The following HDGFL2 variants were observed in gnomAD, a reference collection of about 807,000 sequenced individuals.
HDGFL2 encodes the protein HDGF like 2.
A neutral mutation model predicts 77.1 loss-of-function variants in HDGFL2; 36 were observed. The observed-to-expected ratio is 0.47, with a 90% CI of 0.36 to 0.62. The LOEUF is 0.62. Among genes scored for constraint, HDGFL2 ranks in the 20% least tolerant of loss-of-function variants. HDGFL2 has a pLI of 0.00. For missense variants in HDGFL2, 976 were observed against 973.4 expected, an observed-to-expected ratio of 1.00 and a Z score of -0.04; for synonymous variants, 463 against 413.1, an observed-to-expected ratio of 1.12 and a Z score of -1.46.
At chr19:4,495,398 AAAAAAAAAAAAT>A (rs1975675680) in intron 9 of HDGFL2, among the ~76,000 whole-genome samples, 1 of 150,944 alleles carries the variant, frequency 6.6e-6, no homozygotes, top group African/African-American at 2.4e-5. Context: ...AAAAAAAAAA[AAAAAAAAAAAAT>A]AGGCTCCGAA....
At chr19:4,478,945 A>G (rs1339493828) in intron 3 of HDGFL2, among the ~76,000 whole-genome samples, 1 of 151,518 alleles carries the variant, frequency 6.6e-6, no homozygotes, top group Non-Finnish European at 1.5e-5. Flanking sequence ...AGCCTCCCAA[A>G]GTGCTGGGAT....
rs771164598 is a variant in HDGFL2 at position 4,498,063 on chromosome 19, T to C, written c.1402+32T>C. 1.9e-5 allele frequency: 29 copies of C among 1,525,294 alleles called. No individual in the cohort carries two copies. In the African/African-American group the frequency reaches 3.6e-4, roughly 19 times the overall value. The allele number at this position is 1,525,294 out of a possible 1,614,324, so 94.5% of individuals were successfully genotyped here. A position where few individuals can be genotyped will look rare whatever the true frequency, so the allele number is the denominator to read the frequency against. On this transcript the variant is annotated intron_variant, in intron 11 of 15. Coordinates refer to ENST00000616600, the MANE Select transcript of HDGFL2 (RefSeq NM_001001520.3). Reference sequence around the variant, plus strand: ...CCTGGCTGCCCAGCACTGCCCACACTGAGTTCACTGAGGGGAACGGGGACA... The same window carrying C: ...CCTGGCTGCCCAGCACTGCCCACACCGAGTTCACTGAGGGGAACGGGGACA...
chr19:4,474,174 G>A (rs1975012587), intron 1 of HDGFL2, among the ~76,000 whole-genome samples: 1 of 152,012 alleles, frequency 6.6e-6, no homozygotes, highest in African/African-American at 2.4e-5. Context: ...CAGGACTGAG[G>A]AATTTGGCAC....
In HDGFL2 at chr19:4,493,801, T is replaced by TTCCTCCTCC. The variant is rs772471793; in HGVS notation, c.784_792dup (p.Ser262_Ser264dup). ...CGCGGTCGGCGTCCTCCTCCTCCTC[T>TTCCTCCTCC]TCCTCCTCCTCCTCCGACTCCGATG... On this transcript the variant is annotated inframe_insertion, in exon 7 of 16. Coordinates refer to ENST00000616600, the MANE Select transcript of HDGFL2 (RefSeq NM_001001520.3). 2.6e-6 allele frequency: 4 copies of TTCCTCCTCC among 1,539,770 alleles called. No individual in the cohort carries two copies. Among genetic ancestry groups the TTCCTCCTCC allele is most frequent in the Non-Finnish European group, 2.6e-6 (3 of 1,139,142 alleles).
chr19:4,489,645 G>T (rs983419106), intron 4 of HDGFL2, among the ~76,000 whole-genome samples: 4 of 151,950 alleles, frequency 2.6e-5, no homozygotes, highest in Admixed American at 2.0e-4. Context: ...CTCATGATCC[G>T]CCCGCTTCGG....
intron 6 of HDGFL2, among the ~76,000 whole-genome samples, chr19:4,493,163 CTGTG>C (rs1375766149): frequency 2.8e-4 from 26 of 93,438 alleles, no homozygotes; most frequent in Non-Finnish European, 4.3e-4. Context: ...TGTGTGTTGT[CTGTG>C]TGTGGTGTGT....
intron 1 of HDGFL2, among the ~76,000 whole-genome samples, chr19:4,474,554 T>G (rs1210215573): frequency 6.6e-6 from 1 of 151,836 alleles, no homozygotes; most frequent in African/African-American, 2.4e-5. Context: ...AAGGAATGCA[T>G]TGGGAGGGGA....
In HDGFL2 at chr19:4,498,931, C is replaced by G; in HGVS notation, c.1575+16C>G. The G allele has an allele frequency of 1.3e-6, 2 of 1,558,682 alleles. No homozygotes were observed. Among genetic ancestry groups the G allele is most frequent in the Non-Finnish European group, 1.8e-6 (2 of 1,140,894 alleles). On this transcript the variant is annotated intron_variant, in intron 13 of 15. Transcript: ENST00000616600. ...CTTGAAGAAGGTATGGCGGGGGAAT[C>G]AGAGGCGCAGGGTGCAGTCGGGGGA...
chr19:4,486,807 G>C (rs1451043381), intron 3 of HDGFL2, among the ~76,000 whole-genome samples: 2 of 152,074 alleles, frequency 1.3e-5, no homozygotes, highest in Non-Finnish European at 2.9e-5. Flanking sequence ...GTATATGTCA[G>C]CTTCTTCTGG....
Position 4,488,838 on chromosome 19 carries a change from G to A in HDGFL2, c.451G>A (p.Asp151Asn), listed in dbSNP as rs866600441. Residue 151 changes from aspartate to asparagine, a missense_variant, in exon 4 of 16, where the codon GAC becomes AAC. Asp to Asn is a conservative substitution (Grantham distance 23, BLOSUM62 1). This residue lies in a region of HDGFL2 where 567 missense variants were observed against 534.7 expected (regional missense o/e 1.06). Coordinates refer to ENST00000616600, the MANE Select transcript of HDGFL2 (RefSeq NM_001001520.3). ...ESDSDSDKSS[D>N]NSGLKRKTPA... ...CGACTCAGACTCAGACAAGAGTAGC[G>A]ACAACAGTGGCCTGAAGAGGAAGAC... 3.2e-6 allele frequency: 5 copies of A among 1,551,614 alleles called. No individual in the cohort carries two copies. Among genetic ancestry groups the A allele is most frequent in the African/African-American group, 2.7e-5 (2 of 73,150 alleles).
chr19:4,479,536 C>T (rs1315803949), intron 3 of HDGFL2, among the ~76,000 whole-genome samples: 2 of 150,678 alleles, frequency 1.3e-5, no homozygotes, highest in African/African-American at 4.9e-5. Context: ...AGCTGAGCTC[C>T]CACCACTGCA....
chr19:4,501,689 T>C (rs1283263283), intron 15 of HDGFL2: 2 of 504,894 alleles, frequency 4.0e-6, no homozygotes, highest in East Asian at 3.4e-5. Context: ...GTCACTCACT[T>C]ACCCAGCAGC....
At chr19:4,481,265 A>T (rs1452305536) in intron 3 of HDGFL2, among the ~76,000 whole-genome samples, 2 of 137,004 alleles carry the variant, frequency 1.5e-5, no homozygotes, top group Non-Finnish European at 3.0e-5. Flanking sequence ...ATCTTGGCTC[A>T]CTGCAACCTC....
chr19:4,477,940 C>T (rs1197602026), intron 3 of HDGFL2, among the ~76,000 whole-genome samples: 1 of 151,736 alleles, frequency 6.6e-6, no homozygotes, highest in African/African-American at 2.4e-5. Flanking sequence ...ATTAGCTGGG[C>T]GTGGTGGCAG....
At chr19:4,477,084 T>C (rs1229196965) in intron 3 of HDGFL2, among the ~76,000 whole-genome samples, 3 of 152,154 alleles carry the variant, frequency 2.0e-5, no homozygotes, top group East Asian at 3.9e-4. Flanking sequence ...AGTCTCTTTG[T>C]GGTTCCTGGT....
intron 3 of HDGFL2, among the ~76,000 whole-genome samples, chr19:4,485,026 T>TC (rs1382696904): frequency 6.6e-6 from 1 of 152,062 alleles, no homozygotes; most frequent in African/African-American, 2.4e-5. Flanking sequence ...CAGGATGGTC[T>TC]CCATCTCCTG....
At chr19:4,492,911 C>T (rs527749345) in intron 6 of HDGFL2, among the ~76,000 whole-genome samples, 1 of 85,418 alleles carries the variant, frequency 1.2e-5, no homozygotes, top group African/African-American at 5.4e-5. Context: ...TGTGTGGTGT[C>T]TGTGTGGTGT....
At chr19:4,486,002 G>A (rs1316049646) in intron 3 of HDGFL2, among the ~76,000 whole-genome samples, 13 of 147,220 alleles carry the variant, frequency 8.8e-5, no homozygotes, top group East Asian at 4.0e-4. Flanking sequence ...GCAGTGAGTC[G>A]TGATCGCGCC....
chr19:4,493,606 G>A, intron 6 of HDGFL2, 97 bp from the exon 7 acceptor site: 2 of 1,286,884 alleles, frequency 1.6e-6, no homozygotes, highest in Non-Finnish European at 2.0e-6. Context: ...CGCAGAGCCT[G>A]GCGGCTGCAG....
Sources: allele counts gnomAD v4.1 joint callset (sites outside exome capture counted in the v4.1 genomes callset), GRCh38; gene constraint gnomAD v4.1.1; regional missense constraint gnomAD v4.1.1; transcripts MANE v1.5; gene names NCBI Gene and HGNC (gene_info 2026-07-23, HGNC 2026-07-21).